Variants in PRICKLE1 observed in about 807,000 individuals in gnomAD.
PRICKLE1 encodes prickle-like protein 1.
In PRICKLE1, 14 loss-of-function variants were observed where a neutral mutation model predicts 70.2. The observed-to-expected ratio is 0.20, with a 90% CI of 0.13 to 0.31. The LOEUF is 0.31. Ranked by LOEUF, PRICKLE1 falls within the 10% of genes least tolerant of loss-of-function variation. PRICKLE1 has a pLI of 1.00. For missense variants in PRICKLE1, 821 were observed against 1,026.2 expected, an observed-to-expected ratio of 0.80 and a Z score of 2.73; for synonymous variants, 357 against 379.9, an observed-to-expected ratio of 0.94 and a Z score of 0.70.
rs149395950 is a variant in PRICKLE1, at chr12:42,515,321, C to A, written c.-48-42757G>T. Among the ~76,000 whole-genome samples the A allele has an allele frequency of 7.8e-3, 1,179 of 151,232 alleles. 37 individuals are homozygous for A. The East Asian group carries it at 0.091, about 12-fold the overall frequency. On this transcript the variant is annotated intron_variant, in intron 1 of 7. Coordinates refer to ENST00000345127, the MANE Select transcript of PRICKLE1 (RefSeq NM_153026.3). ...ATGGTGCCATCCTGGCTCACTGCAACCTTCGCCTCCCAGGTTCAAGCGATT... is the reference window on the plus strand; with the variant it reads ...ATGGTGCCATCCTGGCTCACTGCAAACTTCGCCTCCCAGGTTCAAGCGATT...
intron 1 of PRICKLE1, among the ~76,000 whole-genome samples, chr12:42,508,833 A>G (rs2120372120): frequency 6.6e-6 from 1 of 152,260 alleles, no homozygotes; most frequent in East Asian, 1.9e-4. Context: ...TCTACCACTA[A>G]CTGGCTAGAA....
intron 1 of PRICKLE1, among the ~76,000 whole-genome samples, chr12:42,576,246 T>C (rs1360979352): frequency 6.6e-6 from 1 of 152,178 alleles, no homozygotes; most frequent in Non-Finnish European, 1.5e-5. Flanking sequence ...GCAGAGAATA[T>C]GCAAAACAGC....
At chr12:42,583,440 G>C (rs967008652) in intron 1 of PRICKLE1, among the ~76,000 whole-genome samples, 1 of 152,182 alleles carries the variant, frequency 6.6e-6, no homozygotes, top group Admixed American at 6.5e-5. Flanking sequence ...GGATTTAAGG[G>C]AAAACTCTAA....
chr12:42,548,166 G>A (rs1940245951), intron 1 of PRICKLE1, among the ~76,000 whole-genome samples: 2 of 152,026 alleles, frequency 1.3e-5, no homozygotes, highest in South Asian at 4.1e-4. Flanking sequence ...GATTACAGGA[G>A]TGAGCCACTG....
intron 1 of PRICKLE1, among the ~76,000 whole-genome samples, chr12:42,560,016 T>C (rs1281610411): frequency 2.6e-5 from 4 of 151,878 alleles, no homozygotes; most frequent in Non-Finnish European, 5.9e-5. Flanking sequence ...CTCTGTACAC[T>C]GGAAGGAAAA....
chr12:42,519,055 T>C (rs978784495), intron 1 of PRICKLE1, among the ~76,000 whole-genome samples: 1 of 152,186 alleles, frequency 6.6e-6, no homozygotes, highest in Admixed American at 6.5e-5. Context: ...TCTTGGCACA[T>C]GACCCTCAAG....
At chr12:42,515,291 G>A (rs1371921737) in intron 1 of PRICKLE1, among the ~76,000 whole-genome samples, 1 of 149,850 alleles carries the variant, frequency 6.7e-6, no homozygotes, top group Non-Finnish European at 1.5e-5. Flanking sequence ...CCAGGCTGGA[G>A]TGCAATGGTG....
chr12:42,503,587 C>A (rs1939353987), intron 1 of PRICKLE1, among the ~76,000 whole-genome samples: 1 of 152,102 alleles, frequency 6.6e-6, no homozygotes, highest in South Asian at 2.1e-4. Context: ...CATACACACA[C>A]AAAACAAACA....
intron 2 of PRICKLE1, among the ~76,000 whole-genome samples, chr12:42,471,593 C>T (rs897511661): frequency 3.9e-5 from 6 of 152,172 alleles, no homozygotes; most frequent in African/African-American, 1.2e-4. Context: ...TGTGCTATGC[C>T]ATGGATAAAT....
chr12:42,489,317 T>TA (rs1396430735), intron 1 of PRICKLE1, among the ~76,000 whole-genome samples: 1 of 151,852 alleles, frequency 6.6e-6, no homozygotes, highest in Non-Finnish European at 1.5e-5. Context: ...TACTAAAATA[T>TA]ACTACAATAT....
At chr12:42,579,946 A>T (rs1940871697) in intron 1 of PRICKLE1, among the ~76,000 whole-genome samples, 1 of 151,816 alleles carries the variant, frequency 6.6e-6, no homozygotes, top group Admixed American at 6.6e-5. Context: ...ATCTTGGCTC[A>T]CTGCAACCTC....
In PRICKLE1 at chr12:42,472,420, ACTC is replaced by A; in HGVS notation, c.94_96del (p.Glu32del). 1 of 1,613,996 alleles carries A rather than the reference ACTC, an allele frequency of 6.2e-7. No individual in the cohort carries two copies. Among genetic ancestry groups the A allele is most frequent in the South Asian group, 1.1e-5 (1 of 91,068 alleles). On this transcript the variant is annotated inframe_deletion, in exon 2 of 8. Coordinates refer to ENST00000345127, the MANE Select transcript of PRICKLE1 (RefSeq NM_153026.3). ...CTCAGGCCCGGGGGGACCCAGGCGT[ACTC>A]CTCCAATGCACAGCCAGAGTCATCA...
intron 1 of PRICKLE1, among the ~76,000 whole-genome samples, chr12:42,571,564 C>T (rs894096805): frequency 1.3e-5 from 2 of 152,314 alleles, no homozygotes; most frequent in East Asian, 1.9e-4. Flanking sequence ...AGGCCTTGGG[C>T]TTGGAAAGCA....
chr12:42,550,845 T>C (rs1940302358), intron 1 of PRICKLE1, among the ~76,000 whole-genome samples: 1 of 152,212 alleles, frequency 6.6e-6, no homozygotes, highest in South Asian at 2.1e-4. Flanking sequence ...TTTCTCCTTT[T>C]TGGCATACCT....
chr12:42,576,630 G>A (rs1393632336), intron 1 of PRICKLE1, among the ~76,000 whole-genome samples: 1 of 152,170 alleles, frequency 6.6e-6, no homozygotes, highest in Non-Finnish European at 1.5e-5. Context: ...CTTCCTATTG[G>A]TACAGTACTT....
At chr12:42,555,198 G>C (rs1940394405) in intron 1 of PRICKLE1, among the ~76,000 whole-genome samples, 1 of 152,132 alleles carries the variant, frequency 6.6e-6, no homozygotes, top group African/African-American at 2.4e-5. Context: ...CAGTTACTTG[G>C]GAGGCTGAGA....
Position 42,574,837 on chromosome 12 carries a change from A to G in PRICKLE1, c.-49+14628T>C, listed in dbSNP as rs1052388580. On this transcript the variant is annotated intron_variant, in intron 1 of 7. Coordinates refer to ENST00000345127, the MANE Select transcript of PRICKLE1 (RefSeq NM_153026.3). ...TTTTTAAGCAGGAGTTCAAAACATA[A>G]CAATCAGGAAATGAAGAAAATAGTT... Among the ~76,000 whole-genome samples the G allele has an allele frequency of 2.0e-5, 3 of 152,032 alleles. No individual in the cohort carries two copies. The East Asian group carries it at 5.8e-4, about 29-fold the overall frequency.
chr12:42,480,457 G>C (rs1332415012), intron 1 of PRICKLE1, among the ~76,000 whole-genome samples: 1 of 152,164 alleles, frequency 6.6e-6, no homozygotes, highest in African/African-American at 2.4e-5. Flanking sequence ...GCATGGACAA[G>C]GGCTTAAGGA....
At chr12:42,535,252 C>A (rs969429648) in intron 1 of PRICKLE1, among the ~76,000 whole-genome samples, 3 of 152,162 alleles carry the variant, frequency 2.0e-5, no homozygotes, top group African/African-American at 7.2e-5. Context: ...GAAGCCAGCA[C>A]AAGAGAAAGA....
Sources: gnomAD v4.1 joint callset for allele counts (sites outside exome capture counted in the v4.1 genomes callset) on GRCh38, gnomAD v4.1.1 for gene constraint, MANE v1.5 for transcripts, NCBI Gene and HGNC (gene_info 2026-07-23, HGNC 2026-07-21) for gene names.